DENND3: variants seen among roughly 807,000 people sequenced by gnomAD.
DENND3 encodes DENN domain-containing protein 3.
In DENND3, 88 loss-of-function variants were observed where a neutral mutation model predicts 135.1. The observed-to-expected ratio is 0.65, with a 90% CI of 0.55 to 0.78. The LOEUF is 0.78. Ranked by LOEUF, DENND3 falls within the 30% of genes least tolerant of loss-of-function variation. DENND3 has a pLI of 0.00. For synonymous variants in DENND3, 693 were observed against 712.3 expected, an observed-to-expected ratio of 0.97 and a Z score of 0.43; for missense variants, 1,392 against 1,688.4, an observed-to-expected ratio of 0.82 and a Z score of 3.08.
At position 141,168,141 on chromosome 8, in the gene DENND3, G is replaced by A. The variant is rs138519822; in HGVS notation, c.1891G>A (p.Asp631Asn). Residue 631 changes from aspartate (D) to asparagine (N), a missense_variant, in exon 13 of 23, where the codon GAT (aspartate) becomes AAT (asparagine). Physicochemically the swap from Asp to Asn is conservative, Grantham distance 23 (BLOSUM62 1). Transcript: ENST00000519811. The surrounding 1 kb of genome is among the most constrained non-coding windows in gnomAD (Gnocchi z 6.2). ...CGAGGCCATGTGCTTTCTGGCCCCCGATAACTCTCTGCTCCTGGCCCGCTA... is the reference window on the plus strand; with the variant it reads ...CGAGGCCATGTGCTTTCTGGCCCCCAATAACTCTCTGCTCCTGGCCCGCTA... ...LSEAMCFLAP[D>N]NSLLLARYLY... is the part of the protein sequence containing the mutation. The A allele has an allele frequency of 1.8e-5, 29 of 1,614,056 alleles. 1 individual carries two copies. The Admixed American group carries it at 2.0e-4, about 11-fold the overall frequency.
At chr8:141,134,713 C>T (rs1050558777) in intron 1 of DENND3, among the ~76,000 whole-genome samples, 10 of 152,092 alleles carry the variant, frequency 6.6e-5, no homozygotes, top group African/African-American at 1.9e-4. Flanking sequence ...AAACTGCTGC[C>T]GTTGTTGAAA....
chr8:141,141,284 A>G lies in DENND3; in HGVS notation c.583A>G (p.Arg195Gly), dbSNP rs764770727. The change falls in exon 4 of 23, where the codon AGG becomes GGG. Residue 195 changes from arginine (R) to glycine (G), a missense_variant. Transcript: ENST00000519811. The surrounding 1 kb of genome is among the most constrained non-coding windows in gnomAD (Gnocchi z 5.3). ...FVPFAVCVVS[R>G]FPYYNSLKDC... ...GCCCTTCGCGGTGTGCGTGGTCTCC[A>G]GGTTTCCCTATTACAACTCCCTCAA... 6.2e-7 allele frequency: 1 copy of G among 1,612,944 alleles called. No individual in the cohort carries two copies. The highest frequency in any genetic ancestry group is 8.5e-7 in the Non-Finnish European group (1 of 1,179,390).
intron 1 of DENND3, among the ~76,000 whole-genome samples, chr8:141,132,531 AT>A (rs1816257127): frequency 6.6e-6 from 1 of 151,888 alleles, no homozygotes; most frequent in Admixed American, 6.6e-5. Flanking sequence ...CTAATTTTGT[AT>A]TTTTAGTAGA....
chr8:141,183,587 T>C (rs1823464852), intron 17 of DENND3, among the ~76,000 whole-genome samples: 1 of 151,882 alleles, frequency 6.6e-6, no homozygotes, highest in South Asian at 2.1e-4. Context: ...AGACACTTTT[T>C]TTTTCCTCCT....
Position 141,141,086 on chromosome 8 carries a change from A to T in DENND3, c.502-117A>T, listed in dbSNP as rs1405019579. 6.7e-7 allele frequency: 1 copy of T among 1,501,466 alleles called. No individual in the cohort carries two copies. Among genetic ancestry groups the T allele is most frequent in the Non-Finnish European group, 9.1e-7 (1 of 1,096,328 alleles). 93.0% of individuals were successfully genotyped at this position (1,501,466 alleles called of 1,614,324 possible). Reference sequence around the variant, plus strand: ...GCCGGTGCTGGCTTGGACGCGTTGCAGGGGTGGGGATGGTGGACTCTCAGC... The same window carrying T: ...GCCGGTGCTGGCTTGGACGCGTTGCTGGGGTGGGGATGGTGGACTCTCAGC... On this transcript the variant is annotated intron_variant, in intron 3 of 22. Transcript: ENST00000519811. This position sits in a 1 kb window ranked among gnomAD's most constrained non-coding sequence, Gnocchi z 5.3.
At chr8:141,131,894 T>C (rs1177162369) in intron 1 of DENND3, among the ~76,000 whole-genome samples, 1 of 109,350 alleles carries the variant, frequency 9.1e-6, no homozygotes, top group African/African-American at 3.6e-5. Flanking sequence ...TGGCGGGGTC[T>C]GGTTGTTCAG....
intron 14 of DENND3, 132 bp from the exon 15 acceptor site, chr8:141,176,459 C>T: frequency 5.3e-6 from 6 of 1,139,968 alleles, no homozygotes; most frequent in Non-Finnish European, 7.6e-6. Context: ...GCCCTGCCTT[C>T]CACATGCCAG....
chr8:141,192,316 T>G lies in DENND3; in HGVS notation c.3380-15T>G, dbSNP rs765050240. ...TGACACTGCCTGGCCCCATCCTAGC[T>G]CCTTCCTTCCACAGGCACAGGTAAC... On this transcript the variant is annotated splice_polypyrimidine_tract_variant and intron_variant, in intron 20 of 22. Coordinates refer to ENST00000519811, the MANE Select transcript of DENND3 (RefSeq NM_001352890.3). 10 of 1,613,712 alleles carry G rather than the reference T, an allele frequency of 6.2e-6. No homozygotes were observed. The South Asian group carries it at 1.1e-4, about 18-fold the overall frequency.
intron 8 of DENND3, among the ~76,000 whole-genome samples, chr8:141,159,269 G>T (rs1819832140): frequency 6.6e-6 from 1 of 152,174 alleles, no homozygotes; most frequent in South Asian, 2.1e-4. Context: ...CCTCCAGGAG[G>T]GTCAGGCAGC....
chr8:141,153,451 G>A (rs917300638), intron 7 of DENND3, among the ~76,000 whole-genome samples: 5 of 152,174 alleles, frequency 3.3e-5, no homozygotes, highest in South Asian at 2.1e-4. Context: ...TGTGTCATGC[G>A]CCCCTCACAG....
At position 141,175,084 on chromosome 8, in the gene DENND3, C is replaced by T. The variant is rs1015659778; in HGVS notation, c.2276-116C>T. On this transcript the variant is annotated intron_variant, in intron 13 of 22. Coordinates refer to ENST00000519811, the MANE Select transcript of DENND3 (RefSeq NM_001352890.3). The surrounding 1 kb of genome is among the most constrained non-coding windows in gnomAD (Gnocchi z 5.4). ...TTCCATCCAGCGCCCTGAGTGCTGGCGCCACCTGCTGCCGGGTTCCGGTAG... is the reference window on the plus strand; with the variant it reads ...TTCCATCCAGCGCCCTGAGTGCTGGTGCCACCTGCTGCCGGGTTCCGGTAG... The T allele has an allele frequency of 3.2e-6, 4 of 1,256,974 alleles. No homozygotes were observed. The highest frequency in any genetic ancestry group is 2.3e-5 in the Admixed American group (1 of 44,144). The allele number at this position is 1,256,974 out of a possible 1,614,324, so 77.9% of individuals were successfully genotyped here.
In DENND3 at chr8:141,166,412, G is replaced by T. The variant is rs773821367; in HGVS notation, c.1753+23G>T. 6.3e-7 allele frequency: 1 copy of T among 1,598,176 alleles called. No individual in the cohort carries two copies. Among genetic ancestry groups the T allele is most frequent in the Non-Finnish European group, 8.5e-7 (1 of 1,174,080 alleles). On this transcript the variant is annotated intron_variant, in intron 12 of 22. Transcript: ENST00000519811. This position sits in a 1 kb window ranked among gnomAD's most constrained non-coding sequence, Gnocchi z 4.3. Reference sequence around the variant, plus strand: ...CAGGTGAGGGCTGCCCCCCACTGTGGTGCTGTGTGTCGGTCCCACCATTCC... The same window carrying T: ...CAGGTGAGGGCTGCCCCCCACTGTGTTGCTGTGTGTCGGTCCCACCATTCC...
At chr8:141,142,165 A>C in intron 4 of DENND3, 1 of 338,718 alleles carries the variant, frequency 3.0e-6, no homozygotes, top group South Asian at 2.2e-5. Flanking sequence ...TCATTATCAA[A>C]GGATGCTTTT....
At chr8:141,159,843 G>A (rs2154613055) in intron 8 of DENND3, among the ~76,000 whole-genome samples, 1 of 152,354 alleles carries the variant, frequency 6.6e-6, no homozygotes, top group Non-Finnish European at 1.5e-5. Context: ...GAGGCCCTCT[G>A]GGGTGAGCCT....
Position 141,190,421 on chromosome 8 carries a change from A to G in DENND3, c.3379+4A>G. 1 of 1,604,530 alleles carries G rather than the reference A, an allele frequency of 6.2e-7. No homozygotes were observed. Among genetic ancestry groups the G allele is most frequent in the Non-Finnish European group, 8.5e-7 (1 of 1,176,260 alleles). The stretch of plus-strand genomic sequence containing the variant: ...CACGGCGGCCGCCTGTGGTGCTGTA[A>G]GTCCGGCCCCTGCCATCAGAGCGGG... On this transcript the variant is annotated splice_donor_region_variant and intron_variant, in intron 20 of 22. Transcript: ENST00000519811.
At position 141,141,454 on chromosome 8, in the gene DENND3, G is replaced by T. The variant is rs1485704903; in HGVS notation, c.623+130G>T. On this transcript the variant is annotated intron_variant, in intron 4 of 22. Transcript: ENST00000519811. This position sits in a 1 kb window ranked among gnomAD's most constrained non-coding sequence, Gnocchi z 5.3. The stretch of plus-strand genomic sequence containing the variant: ...CTGTTCCTCTCCTGGTGAGCCGGGG[G>T]ACCGGGCGCTGGGGGCAGTAGGAGG... 2 of 1,188,676 alleles carry T rather than the reference G, an allele frequency of 1.7e-6. No homozygotes were observed. The highest frequency in any genetic ancestry group is 4.9e-5 in the East Asian group (2 of 40,408). The allele number at this position is 1,188,676 out of a possible 1,614,324, so 73.6% of individuals were successfully genotyped here.
chr8:141,175,639 T>A lies in DENND3; in HGVS notation c.2535+180T>A. The A allele has an allele frequency of 1.2e-6, 1 of 853,738 alleles. No homozygotes were observed. The highest frequency in any genetic ancestry group is 1.9e-6 in the Non-Finnish European group (1 of 530,132). The allele number at this position is 853,738 out of a possible 1,614,324, so 52.9% of individuals were successfully genotyped here. On this transcript the variant is annotated intron_variant, in intron 14 of 22. Coordinates refer to ENST00000519811, the MANE Select transcript of DENND3 (RefSeq NM_001352890.3). The surrounding 1 kb of genome is among the most constrained non-coding windows in gnomAD (Gnocchi z 5.4). The stretch of plus-strand genomic sequence containing the variant: ...TAAAGTAGGAATAAGGCTGATACCT[T>A]CTCAGTGGGTGGTGGAGATTGAATA...
At position 141,138,103 on chromosome 8, in the gene DENND3, A is replaced by G. The variant is rs751324055; in HGVS notation, c.467A>G (p.Tyr156Cys). 11 of 1,609,850 alleles carry G rather than the reference A, an allele frequency of 6.8e-6. No individual in the cohort carries two copies. The highest frequency in any genetic ancestry group is 8.5e-6 in the Non-Finnish European group (10 of 1,177,890). ...ACCGATGTCTGCGGGAATAGGACCT[A>G]TGGCGTGGTGGCCCAGTACTACCGG... ...VLTDVCGNRT[Y>C]GVVAQYYRPL... Residue 156 changes from tyrosine to cysteine, a missense_variant, in exon 3 of 23, where the codon TAT becomes TGT. Tyr to Cys is a radical substitution (Grantham distance 194). Transcript: ENST00000519811. The surrounding 1 kb of genome is among the most constrained non-coding windows in gnomAD (Gnocchi z 4.8).
In DENND3 at chr8:141,141,424, G is replaced by T. The variant is rs1321711866; in HGVS notation, c.623+100G>T. The T allele has an allele frequency of 5.3e-5, 76 of 1,424,878 alleles. 1 individual carries two copies. The South Asian group carries it at 8.6e-4, about 16-fold the overall frequency. The allele number at this position is 1,424,878 out of a possible 1,614,324, so 88.3% of individuals were successfully genotyped here. A position where few individuals can be genotyped will look rare whatever the true frequency, so the allele number is the denominator to read the frequency against. On this transcript the variant is annotated intron_variant, in intron 4 of 22. Transcript: ENST00000519811. The surrounding 1 kb of genome is among the most constrained non-coding windows in gnomAD (Gnocchi z 5.3). ...GGGGGCTGGAGGTGGTGGGGGGGCAGCTCTCTGTTCCTCTCCTGGTGAGCC... is the reference window on the plus strand; with the variant it reads ...GGGGGCTGGAGGTGGTGGGGGGGCATCTCTCTGTTCCTCTCCTGGTGAGCC...
Sources: allele counts gnomAD v4.1 joint callset (sites outside exome capture counted in the v4.1 genomes callset), GRCh38; gene constraint gnomAD v4.1.1; non-coding constraint Gnocchi (gnomAD v3.1); transcripts MANE v1.5; gene names NCBI Gene and HGNC (gene_info 2026-07-23, HGNC 2026-07-21).